The following IGSF21 variants were observed in gnomAD, a reference collection of about 807,000 sequenced individuals.
IGSF21 encodes the protein immunoglobulin superfamily member 21.
Under a neutral mutation model 46.8 loss-of-function variants are expected in IGSF21, and 28 were observed. The observed-to-expected ratio is 0.60, with a 90% CI of 0.44 to 0.82. The LOEUF is 0.82. Among genes scored for constraint, IGSF21 ranks in the 40% least tolerant of loss-of-function variants. The pLI, the probability that IGSF21 is intolerant of heterozygous loss-of-function variation, is 0.00. For synonymous variants in IGSF21, 284 were observed against 273.6 expected, an observed-to-expected ratio of 1.04 and a Z score of -0.38; for missense variants, 624 against 665.5, an observed-to-expected ratio of 0.94 and a Z score of 0.69.
intron 4 of IGSF21, among the ~76,000 whole-genome samples, chr1:18,353,817 A>C (rs1279244528): frequency 6.6e-6 from 1 of 152,216 alleles, no homozygotes; most frequent in East Asian, 1.9e-4. Context: ...TGGGAGGGTA[A>C]GTATTGGTCA....
At chr1:18,174,779 G>A (rs1445456753) in intron 1 of IGSF21, among the ~76,000 whole-genome samples, 1 of 152,184 alleles carries the variant, frequency 6.6e-6, no homozygotes, top group Admixed American at 6.5e-5. Context: ...GGTAGCTGCC[G>A]ACGACACACT....
chr1:18,285,162 T>G (rs2085200368), intron 2 of IGSF21, among the ~76,000 whole-genome samples: 1 of 149,296 alleles, frequency 6.7e-6, no homozygotes, highest in African/African-American at 2.5e-5. Context: ...GTTGGGAAGG[T>G]GGGGGGAGGT....
chr1:18,186,355 A>C (rs1406273673), intron 1 of IGSF21, among the ~76,000 whole-genome samples: 1 of 152,092 alleles, frequency 6.6e-6, no homozygotes, highest in Non-Finnish European at 1.5e-5. Context: ...CCCTCCTCTA[A>C]AGCAATTGAA....
At chr1:18,316,443 G>A (rs985594973) in intron 3 of IGSF21, among the ~76,000 whole-genome samples, 3 of 152,182 alleles carry the variant, frequency 2.0e-5, no homozygotes, top group Non-Finnish European at 4.4e-5. Flanking sequence ...CTCCTGCTCA[G>A]GGCTCTGCAT....
At chr1:18,278,673 C>T (rs2085128572) in intron 2 of IGSF21, among the ~76,000 whole-genome samples, 1 of 152,014 alleles carries the variant, frequency 6.6e-6, no homozygotes, top group Non-Finnish European at 1.5e-5. Context: ...TCCACTGCAG[C>T]CTCCTGAGTA....
At chr1:18,350,133 T>C (rs750905295) in intron 4 of IGSF21, among the ~76,000 whole-genome samples, 1 of 152,040 alleles carries the variant, frequency 6.6e-6, no homozygotes, top group Non-Finnish European at 1.5e-5. Context: ...TCACCCACTG[T>C]CCACTTGGCT....
chr1:18,350,723 C>A (rs561350861), intron 4 of IGSF21, among the ~76,000 whole-genome samples: 128 of 152,296 alleles, frequency 8.4e-4, no homozygotes, highest in African/African-American at 2.8e-3. Flanking sequence ...CACCTCATCT[C>A]CCCTGGAAAT....
intron 2 of IGSF21, among the ~76,000 whole-genome samples, chr1:18,229,658 G>C (rs1382359995): frequency 6.6e-6 from 1 of 152,200 alleles, no homozygotes; most frequent in East Asian, 1.9e-4. Flanking sequence ...CAGCACCCTA[G>C]AGGGTCCCAG....
intron 3 of IGSF21, among the ~76,000 whole-genome samples, chr1:18,314,569 G>A (rs778508662): frequency 7.9e-5 from 12 of 152,124 alleles, no homozygotes; most frequent in African/African-American, 2.2e-4. Context: ...TGCAAGGAGC[G>A]CCCTCTCATG....
At chr1:18,182,972 C>T (rs72944434) in intron 1 of IGSF21, among the ~76,000 whole-genome samples, 3,399 of 152,278 alleles carry the variant, frequency 0.022, 125 homozygotes, top group African/African-American at 0.077. Flanking sequence ...ATCCAGCAGA[C>T]GCGACATCAC....
At chr1:18,144,410 C>A (rs747897) in intron 1 of IGSF21, among the ~76,000 whole-genome samples, 14,341 of 152,262 alleles carry the variant, frequency 0.094, 739 homozygotes, top group Middle Eastern at 0.18. Flanking sequence ...TACCCCTAGT[C>A]ACCTCCCTGC....
intron 1 of IGSF21, among the ~76,000 whole-genome samples, chr1:18,150,563 T>C (rs1261329189): frequency 6.6e-6 from 1 of 152,220 alleles, no homozygotes; most frequent in Non-Finnish European, 1.5e-5. Flanking sequence ...AATGCTGGCC[T>C]CCTTGGAGAT....
chr1:18,362,122 C>T lies in IGSF21; in HGVS notation c.432C>T (p.Pro144=). The change falls in exon 5 of 10, where the codon CCC becomes CCT. Residue 144 remains proline, a synonymous_variant. Transcript: ENST00000251296. ...TGCTTCCTTTTGGGGCAGCTCCTCC[C>T]ACCTCCATTGAAGTGGTGGCTGCTG... is the stretch of plus-strand genomic sequence containing the variant. The part of the protein sequence containing the change: ...GNIFLNVMAP[P]TSIEVVAADT... 2 of 1,608,464 alleles carry T rather than the reference C, an allele frequency of 1.2e-6. No individual in the cohort carries two copies. The highest frequency in any genetic ancestry group is 1.1e-5 in the South Asian group (1 of 89,586).
intron 3 of IGSF21, among the ~76,000 whole-genome samples, chr1:18,299,222 C>T (rs1341784994): frequency 6.6e-6 from 1 of 152,180 alleles, no homozygotes; most frequent in Non-Finnish European, 1.5e-5. Context: ...GGCAAGACCA[C>T]TCTATGGGCA....
At chr1:18,347,961 A>T (rs1004015635) in intron 4 of IGSF21, among the ~76,000 whole-genome samples, 3 of 152,326 alleles carry the variant, frequency 2.0e-5, no homozygotes, top group East Asian at 1.9e-4. Context: ...CAAATTAGAA[A>T]TTCATTTTGA....
intron 1 of IGSF21, among the ~76,000 whole-genome samples, chr1:18,141,850 C>CTTGAGGCCAAGACT (rs1209482838): frequency 6.6e-6 from 1 of 152,138 alleles, no homozygotes; most frequent in African/African-American, 2.4e-5. Flanking sequence ...GAGCCGATTG[C>CTTGAGGCCAAGACT]TTGAGGCCAA....
At chr1:18,245,852 A>C (rs1167125213) in intron 2 of IGSF21, among the ~76,000 whole-genome samples, 1 of 152,170 alleles carries the variant, frequency 6.6e-6, no homozygotes, top group East Asian at 1.9e-4. Context: ...AACCACTTAG[A>C]GTCAGATCAG....
chr1:18,215,027 A>T (rs1174586269), intron 1 of IGSF21, among the ~76,000 whole-genome samples: 1 of 152,226 alleles, frequency 6.6e-6, no homozygotes, highest in African/African-American at 2.4e-5. Context: ...GGCGTGAGCC[A>T]CTGCGCCTGG....
chr1:18,283,184 T>C (rs950717178), intron 2 of IGSF21, among the ~76,000 whole-genome samples: 2 of 152,102 alleles, frequency 1.3e-5, no homozygotes, highest in Non-Finnish European at 2.9e-5. Flanking sequence ...CTGTCTGCCA[T>C]CGCACGGTAA....
Sources: gnomAD v4.1 joint callset for allele counts (sites outside exome capture counted in the v4.1 genomes callset) on GRCh38, gnomAD v4.1.1 for gene constraint, MANE v1.5 for transcripts, NCBI Gene and HGNC (gene_info 2026-07-23, HGNC 2026-07-21) for gene names.